TANGO6: variants seen among roughly 807,000 people sequenced by gnomAD.
TANGO6 encodes the protein transport and golgi organization 6 homolog, also known as transport and Golgi organization protein 6 homolog.
TANGO6 carries 90 observed loss-of-function variants against 114.2 expected under a neutral mutation model. The observed-to-expected ratio is 0.79, with a 90% confidence interval of 0.66 to 0.94. TANGO6 has a LOEUF of 0.94. Ranked by LOEUF, TANGO6 falls within the 40% of genes least tolerant of loss-of-function variation. The pLI is 0.00. For missense variants in TANGO6, 1,274 were observed against 1,315.3 expected, an observed-to-expected ratio of 0.97 and a Z score of 0.49; for synonymous variants, 477 against 509.8, an observed-to-expected ratio of 0.94 and a Z score of 0.87.
At chr16:69,060,486 T>C (rs1207122691) in intron 17 of TANGO6, among the ~76,000 whole-genome samples, 1 of 151,962 alleles carries the variant, frequency 6.6e-6, no homozygotes, top group East Asian at 1.9e-4. Flanking sequence ...TCCCAGCTAC[T>C]TTGGAAACTG....
intron 15 of TANGO6, among the ~76,000 whole-genome samples, chr16:68,983,365 A>G (rs1218972983): frequency 6.6e-6 from 1 of 152,056 alleles, no homozygotes; most frequent in Non-Finnish European, 1.5e-5. Flanking sequence ...CTTTATCTTG[A>G]AAACACTTAT....
chr16:68,891,521 T>G (rs947699171), intron 7 of TANGO6, among the ~76,000 whole-genome samples: 1 of 152,216 alleles, frequency 6.6e-6, no homozygotes, highest in Non-Finnish European at 1.5e-5. Context: ...TGTTTTGTTT[T>G]ATTTTGTTTG....
intron 15 of TANGO6, among the ~76,000 whole-genome samples, chr16:68,974,701 C>A (rs975057445): frequency 2.0e-5 from 3 of 151,846 alleles, no homozygotes; most frequent in African/African-American, 7.3e-5. Flanking sequence ...GTCTCCTTCC[C>A]TGGGAGCTGT....
chr16:68,893,128 G>GTGGT (rs1268508828), intron 7 of TANGO6, among the ~76,000 whole-genome samples: 2 of 152,266 alleles, frequency 1.3e-5, no homozygotes, highest in Admixed American at 6.5e-5. Context: ...TTTTGTTGGA[G>GTGGT]TGGTGGTTAA....
chr16:68,917,543 T>A (rs1963023654), intron 11 of TANGO6, among the ~76,000 whole-genome samples: 1 of 152,190 alleles, frequency 6.6e-6, no homozygotes, highest in Admixed American at 6.5e-5. Flanking sequence ...ATGAGAGAGC[T>A]CCTGTTGATC....
intron 15 of TANGO6, among the ~76,000 whole-genome samples, chr16:69,006,534 A>G (rs1421254654): frequency 6.6e-6 from 1 of 152,044 alleles, no homozygotes; most frequent in African/African-American, 2.4e-5. Context: ...ACCTGAGGTC[A>G]GGAGTTTGAG....
chr16:68,963,627 G>A (rs1291610813), intron 14 of TANGO6, among the ~76,000 whole-genome samples: 2 of 152,170 alleles, frequency 1.3e-5, no homozygotes, highest in East Asian at 1.9e-4. Flanking sequence ...AGGTGCACAC[G>A]CATAGGTACA....
chr16:69,000,004 T>A, intron 15 of TANGO6, among the ~76,000 whole-genome samples: 1 of 152,314 alleles, frequency 6.6e-6, no homozygotes, highest in Middle Eastern at 3.4e-3. Context: ...ACAAGACAAT[T>A]GTCTGTGGAT....
At chr16:68,880,521 G>A (rs1962443106) in intron 6 of TANGO6, 27 bp from the exon 7 acceptor site, 1 of 1,577,668 alleles carries the variant, frequency 6.3e-7, no homozygotes, top group Non-Finnish European at 8.7e-7. Context: ...CACTAAATAT[G>A]GGTAATTTTG....
intron 15 of TANGO6, among the ~76,000 whole-genome samples, chr16:68,988,692 CTTTTTTTTTTTT>C (rs397855895): frequency 2.7e-5 from 3 of 112,490 alleles, no homozygotes; most frequent in Non-Finnish European, 5.4e-5. Flanking sequence ...TTCTCTCTCT[CTTTTTTTTTTTT>C]TTTTTTTTTG....
intron 15 of TANGO6, chr16:69,007,273 T>C (rs1470772058): frequency 2.7e-5 from 4 of 147,886 alleles, no homozygotes; most frequent in Non-Finnish European, 6.0e-5. Context: ...TCTTTTCTTT[T>C]TTTTTTTTTT....
chr16:68,894,147 G>T (rs1962672400), intron 7 of TANGO6, among the ~76,000 whole-genome samples: 1 of 152,200 alleles, frequency 6.6e-6, no homozygotes, highest in African/African-American at 2.4e-5. Context: ...GCTATTGTAA[G>T]TGCTGGCTGA....
intron 17 of TANGO6, among the ~76,000 whole-genome samples, chr16:69,062,570 T>A (rs1285103812): frequency 6.6e-6 from 1 of 151,658 alleles, no homozygotes; most frequent in Non-Finnish European, 1.5e-5. Context: ...CCTCCCGGGT[T>A]CAAGCGATTC....
intron 15 of TANGO6, among the ~76,000 whole-genome samples, chr16:69,002,796 C>T (rs1326368417): frequency 3.9e-5 from 6 of 152,106 alleles, no homozygotes; most frequent in Admixed American, 3.9e-4. Flanking sequence ...AATCCCAGCA[C>T]TTTGGGAGGC....
intron 4 of TANGO6, among the ~76,000 whole-genome samples, chr16:68,870,572 CCT>C (rs945845784): frequency 6.6e-6 from 1 of 152,070 alleles, no homozygotes; most frequent in Non-Finnish European, 1.5e-5. Flanking sequence ...AAATCAGAAC[CCT>C]CTTTTTCCTA....
At chr16:68,956,770 T>C (rs1381982748) in intron 14 of TANGO6, among the ~76,000 whole-genome samples, 2 of 152,038 alleles carry the variant, frequency 1.3e-5, no homozygotes, top group Admixed American at 1.3e-4. Context: ...GGAGAATCAC[T>C]TGAACTCAGG....
In TANGO6 at chr16:68,878,161, A is replaced by T; in HGVS notation, c.1175A>T (p.Gln392Leu). ...TTTCAAGATAAATTGACAGCACGAC[A>T]ATTTCAGAGAGTTGCCACCACTACC... ...FHFQDKLTARQFQRVATTTFI... is the reference protein window; with the variant it reads ...FHFQDKLTARLFQRVATTTFI... Residue 392 changes from glutamine (Q) to leucine (L), a missense_variant, in exon 6 of 18, where the codon CAA becomes CTA. Gln to Leu is a moderately radical substitution (Grantham distance 113). Around this residue, in one of 5 missense-constraint regions of TANGO6, gnomAD observed 908 missense variants for 910.2 expected, o/e 1.00. Transcript: ENST00000261778. The T allele has an allele frequency of 6.2e-7, 1 of 1,611,450 alleles. No homozygotes were observed. Among genetic ancestry groups the T allele is most frequent in the Non-Finnish European group, 8.5e-7 (1 of 1,179,086 alleles).
chr16:68,845,589 C>T (rs943752520), intron 1 of TANGO6, among the ~76,000 whole-genome samples: 1 of 152,108 alleles, frequency 6.6e-6, no homozygotes, highest in African/African-American at 2.4e-5. Flanking sequence ...GTGGGCCATA[C>T]CTGTAATCCC....
At chr16:68,969,584 T>C (rs1195414935) in intron 14 of TANGO6, among the ~76,000 whole-genome samples, 1 of 151,922 alleles carries the variant, frequency 6.6e-6, no homozygotes, top group Non-Finnish European at 1.5e-5. Flanking sequence ...GATCTGGGAC[T>C]GTGGGAAGCA....
Sources: gnomAD v4.1 joint callset for allele counts (sites outside exome capture counted in the v4.1 genomes callset) on GRCh38, gnomAD v4.1.1 for gene constraint, gnomAD v4.1.1 regional missense constraint, MANE v1.5 for transcripts, NCBI Gene and HGNC (gene_info 2026-07-23, HGNC 2026-07-21) for gene names.